Variants in AGBL4 observed in about 807,000 individuals in gnomAD.
AGBL4 encodes AGBL carboxypeptidase 4, also known as cytosolic carboxypeptidase 6.
AGBL4 carries 58 observed loss-of-function variants against 66.4 expected under a neutral mutation model. The observed-to-expected ratio is 0.87, with a 90% confidence interval of 0.71 to 1.09. The LOEUF is 1.09. Ranked by LOEUF, AGBL4 falls within the 50% of genes least tolerant of loss-of-function variation. The pLI, the probability that AGBL4 is intolerant of heterozygous loss-of-function variation, is 0.00. For missense variants in AGBL4, 579 were observed against 631.0 expected, an observed-to-expected ratio of 0.92 and a Z score of 0.88; for synonymous variants, 234 against 222.9, an observed-to-expected ratio of 1.05 and a Z score of -0.44.
intron 5 of AGBL4, among the ~76,000 whole-genome samples, chr1:49,013,157 C>A (rs902579811): frequency 6.6e-6 from 1 of 152,162 alleles, no homozygotes; most frequent in South Asian, 2.1e-4. Flanking sequence ...TCAATTACAG[C>A]AACAGGAAAC....
chr1:48,641,406 G>C (rs939076376), intron 8 of AGBL4, among the ~76,000 whole-genome samples: 3 of 152,136 alleles, frequency 2.0e-5, no homozygotes, highest in East Asian at 3.9e-4. Context: ...CCACCACCAA[G>C]ATATTTAAAG....
chr1:48,618,902 T>C (rs1161998628), intron 9 of AGBL4, among the ~76,000 whole-genome samples: 1 of 151,284 alleles, frequency 6.6e-6, no homozygotes, highest in African/African-American at 2.4e-5. Flanking sequence ...ATAATGGGGG[T>C]AATTCTGAAT....
chr1:48,974,662 G>A (rs1263812932), intron 5 of AGBL4, among the ~76,000 whole-genome samples: 1 of 152,006 alleles, frequency 6.6e-6, no homozygotes, highest in African/African-American at 2.4e-5. Flanking sequence ...CACCTATTTG[G>A]CGAGTGAAGT....
At chr1:49,922,074 T>C (rs952394872) in intron 1 of AGBL4, among the ~76,000 whole-genome samples, 1 of 152,196 alleles carries the variant, frequency 6.6e-6, no homozygotes, top group Admixed American at 6.5e-5. Flanking sequence ...ATAAAAGAAT[T>C]TGTGCTTTCT....
At chr1:49,859,444 T>C (rs1345757776) in intron 1 of AGBL4, among the ~76,000 whole-genome samples, 1 of 152,136 alleles carries the variant, frequency 6.6e-6, no homozygotes, top group Non-Finnish European at 1.5e-5. Context: ...AATCAATTAA[T>C]GTAATTCACC....
intron 5 of AGBL4, among the ~76,000 whole-genome samples, chr1:48,969,158 A>C (rs1270163855): frequency 2.3e-5 from 3 of 132,616 alleles, no homozygotes; most frequent in Non-Finnish European, 4.6e-5. Flanking sequence ...TCTCTCTTTC[A>C]TTAAATTAGG....
intron 3 of AGBL4, among the ~76,000 whole-genome samples, chr1:49,248,832 C>T (rs1651834551): frequency 6.6e-6 from 1 of 151,990 alleles, no homozygotes; most frequent in East Asian, 1.9e-4. Context: ...AATGTCTTTC[C>T]TTCTTTCTTT....
intron 4 of AGBL4, among the ~76,000 whole-genome samples, chr1:49,062,842 C>G (rs781611714): frequency 6.6e-6 from 1 of 152,202 alleles, no homozygotes; most frequent in Non-Finnish European, 1.5e-5. Context: ...ATCAATTTCT[C>G]AGTGCCCATC....
chr1:48,886,820 G>C (rs905945281), intron 5 of AGBL4, among the ~76,000 whole-genome samples: 9 of 152,252 alleles, frequency 5.9e-5, no homozygotes, highest in African/African-American at 2.2e-4. Flanking sequence ...CAAAGTGCTG[G>C]CATTACAGGT....
chr1:49,325,392 C>T (rs964850937), intron 3 of AGBL4, among the ~76,000 whole-genome samples: 3 of 152,172 alleles, frequency 2.0e-5, no homozygotes, highest in Non-Finnish European at 4.4e-5. Flanking sequence ...GTGTTAGCAT[C>T]TCATGATCAT....
chr1:49,354,241 A>G, intron 3 of AGBL4, among the ~76,000 whole-genome samples: 1 of 152,254 alleles, frequency 6.6e-6, no homozygotes, highest in East Asian at 1.9e-4. Flanking sequence ...TAAATGAGCC[A>G]CAACATTGTC....
At chr1:49,742,703 G>C (rs1186235744) in intron 2 of AGBL4, among the ~76,000 whole-genome samples, 2 of 151,928 alleles carry the variant, frequency 1.3e-5, no homozygotes, top group Non-Finnish European at 2.9e-5. Context: ...CCAAAACAGA[G>C]ATACAGACCA....
At chr1:49,680,073 A>C (rs1458285968) in intron 3 of AGBL4, among the ~76,000 whole-genome samples, 1 of 92,076 alleles carries the variant, frequency 1.1e-5, no homozygotes, top group African/African-American at 4.3e-5. Context: ...TTTTTTTGAG[A>C]TGGAGTCTTG....
intron 3 of AGBL4, among the ~76,000 whole-genome samples, chr1:49,506,154 G>A (rs1177408857): frequency 1.3e-5 from 2 of 151,882 alleles, no homozygotes; most frequent in African/African-American, 2.4e-5. Context: ...CGAACTTTTT[G>A]TATAAAGGGC....
rs149798877 is a variant in AGBL4, at chr1:48,815,061, T to G, written c.634+52130A>C. On this transcript the variant is annotated intron_variant, in intron 6 of 13. Coordinates refer to ENST00000371839, the MANE Select transcript of AGBL4 (RefSeq NM_032785.4). ...CTTTTCTCCACATCCTTTCCAGCATTTATTATTTTTGTCTTCTCAATAATA... is the reference window on the plus strand; with the variant it reads ...CTTTTCTCCACATCCTTTCCAGCATGTATTATTTTTGTCTTCTCAATAATA... 1.8e-3 allele frequency among the ~76,000 whole-genome samples: 281 copies of G among 152,308 alleles called. 1 individual carries two copies. Among genetic ancestry groups the G allele is most frequent in the African/African-American group, 6.2e-3 (259 of 41,580 alleles).
At chr1:49,640,663 C>T (rs1645763043) in intron 3 of AGBL4, among the ~76,000 whole-genome samples, 2 of 152,130 alleles carry the variant, frequency 1.3e-5, no homozygotes, top group African/African-American at 4.8e-5. Flanking sequence ...CAAGAATTTA[C>T]TCCAGGGATT....
intron 5 of AGBL4, among the ~76,000 whole-genome samples, chr1:48,903,677 A>G (rs1344187643): frequency 6.6e-6 from 1 of 152,118 alleles, no homozygotes; most frequent in Non-Finnish European, 1.5e-5. Context: ...TTCCTCACAC[A>G]TTGTTTGACT....
At chr1:49,739,519 G>A (rs894484251) in intron 2 of AGBL4, among the ~76,000 whole-genome samples, 2 of 152,136 alleles carry the variant, frequency 1.3e-5, no homozygotes, top group Non-Finnish European at 2.9e-5. Context: ...AATCTAGCAA[G>A]GCAGGCCAAC....
chr1:49,074,874 CAGT>C (rs1644680400), intron 4 of AGBL4, among the ~76,000 whole-genome samples: 1 of 152,130 alleles, frequency 6.6e-6, no homozygotes, highest in South Asian at 2.1e-4. Context: ...AAATCAAACT[CAGT>C]AGTAGATTCC....
Sources: gnomAD v4.1 joint callset for allele counts (sites outside exome capture counted in the v4.1 genomes callset) on GRCh38, gnomAD v4.1.1 for gene constraint, MANE v1.5 for transcripts, NCBI Gene and HGNC (gene_info 2026-07-23, HGNC 2026-07-21) for gene names.